The following ROBO4 variants were observed in gnomAD, a reference collection of about 807,000 sequenced individuals.
The protein encoded by ROBO4 is roundabout guidance receptor 4.
In ROBO4, 80 loss-of-function variants were observed where a neutral mutation model predicts 103.3. The observed-to-expected ratio is 0.77, with a 90% CI of 0.65 to 0.93. ROBO4 has a LOEUF of 0.93. ROBO4 is among the 40% of genes least tolerant of loss of function. ROBO4 has a pLI of 0.00. For synonymous variants in ROBO4, 504 were observed against 529.7 expected (o/e 0.95, Z 0.67); for missense variants, 1,333 against 1,305.3 (o/e 1.02, Z -0.33).
Position 124,886,998 on chromosome 11 carries a change from C to A in ROBO4, c.2414G>T (p.Ser805Ile). 6.2e-7 allele frequency: 1 copy of A among 1,612,262 alleles called. No individual in the cohort carries two copies. The highest frequency in any genetic ancestry group is 8.5e-7 in the Non-Finnish European group (1 of 1,178,694). The change falls in exon 15 of 18, where the codon AGT becomes ATT. Residue 805 changes from serine to isoleucine, a missense_variant. Ser to Ile is a moderately radical substitution (Grantham distance 142, BLOSUM62 -2). Transcript: ENST00000306534. Reference sequence around the variant, plus strand: ...TCACCTGGGAGTCTCCTCACCCTCACTGAGTTCCAAGCACAGGGCTACCTC... The same window carrying A: ...TCACCTGGGAGTCTCCTCACCCTCAATGAGTTCCAAGCACAGGGCTACCTC... Reference protein sequence around the residue: ...PEEVALCLELSEGEETPRNSV... With the variant: ...PEEVALCLELIEGEETPRNSV...
chr11:124,886,891 C>G, intron 15 of ROBO4, 69 bp from the exon 16 acceptor site: 1 of 1,531,838 alleles, frequency 6.5e-7, no homozygotes, highest in Middle Eastern at 1.8e-4. Context: ...CAGAAAAGCC[C>G]CAGTTGAGGG....
chr11:124,895,793 T>G lies in ROBO4; in HGVS notation c.799A>C (p.Ser267Arg). 6.2e-7 allele frequency: 1 copy of G among 1,614,158 alleles called. No individual in the cohort carries two copies. Among genetic ancestry groups the G allele is most frequent in the South Asian group, 1.1e-5 (1 of 91,088 alleles). ...GPKPRPAVWL[S>R]WKVSGPAAPA... ...TAGCACCTGGTCCTCACCTTCCAGCTGAGCCACACCGCCGGTCTAGGCTTG... is the reference window on the plus strand; with the variant it reads ...TAGCACCTGGTCCTCACCTTCCAGCGGAGCCACACCGCCGGTCTAGGCTTG... Residue 267 changes from serine (S) to arginine (R), a missense_variant, in exon 5 of 18, where the codon AGC becomes CGC. Coordinates refer to ENST00000306534, the MANE Select transcript of ROBO4 (RefSeq NM_019055.6).
rs1946729197 is a variant in ROBO4, at chr11:124,887,234, A to T, written c.2199-21T>A. 3 of 1,584,788 alleles carry T rather than the reference A, an allele frequency of 1.9e-6. No homozygotes were observed. In the African/African-American group the frequency reaches 4.0e-5, roughly 21 times the overall value. On this transcript the variant is annotated intron_variant, in intron 14 of 17. Coordinates refer to ENST00000306534, the MANE Select transcript of ROBO4 (RefSeq NM_019055.6). ...GAGGCCTGATTTGCGGGAGAGAGTG[A>T]TGGCACCGTAGTTACTACAGCTCTT...
In ROBO4 at chr11:124,884,967, A is replaced by T. The variant is rs1946687021; in HGVS notation, c.3002-54T>A. On this transcript the variant is annotated intron_variant, in intron 17 of 17. Coordinates refer to ENST00000306534, the MANE Select transcript of ROBO4 (RefSeq NM_019055.6). ...CTCCTTATCTCCCTTCCCCAGTGCCAGGCTTCCTCCTGGCTTCTTCCCAGA... is the reference window on the plus strand; with the variant it reads ...CTCCTTATCTCCCTTCCCCAGTGCCTGGCTTCCTCCTGGCTTCTTCCCAGA... 3.7e-6 allele frequency: 6 copies of T among 1,613,870 alleles called. No individual in the cohort carries two copies. In the East Asian group the frequency reaches 1.3e-4, roughly 36 times the overall value.
chr11:124,897,324 C>T, intron 1 of ROBO4, 63 bp from the exon 2 acceptor site: 1 of 1,196,580 alleles, frequency 8.4e-7, no homozygotes, highest in Non-Finnish European at 1.1e-6. Flanking sequence ...TCCTGGCCCA[C>T]CCCTCATCTG....
At chr11:124,885,444 A>G (rs1055967727) in intron 16 of ROBO4, among the ~76,000 whole-genome samples, 197 bp from the exon 17 acceptor site, 6 of 152,122 alleles carry the variant, frequency 3.9e-5, no homozygotes, top group African/African-American at 1.4e-4. Context: ...AAGTGATTGA[A>G]CTGTTTCCTT....
rs77462182 is a variant in ROBO4, at chr11:124,884,866, G to A, written c.*25C>T. On this transcript the variant is annotated 3_prime_UTR_variant, in exon 18 of 18. Transcript: ENST00000306534. ...GACAGGAGAAGTGGTTCTGATTCCCGTCTGGGAAGTCTCAGGGACACGGTT... is the reference window on the plus strand; with the variant it reads ...GACAGGAGAAGTGGTTCTGATTCCCATCTGGGAAGTCTCAGGGACACGGTT... The A allele has an allele frequency of 1.1e-5, 17 of 1,613,880 alleles. No homozygotes were observed. Among genetic ancestry groups the A allele is most frequent in the East Asian group, 6.7e-5 (3 of 44,894 alleles).
chr11:124,897,754 G>A lies in ROBO4; in HGVS notation c.42C>T (p.Ser14=). 6.2e-7 allele frequency: 1 copy of A among 1,614,012 alleles called. No individual in the cohort carries two copies. Among genetic ancestry groups the A allele is most frequent in the Non-Finnish European group, 8.5e-7 (1 of 1,179,962 alleles). Reference sequence around the variant, plus strand: ...TGATGAGCAGGAGCAGCAGAGGCAGGGAACCCCTGCCCCCCAGGAGGCTGT... The same window carrying A: ...TGATGAGCAGGAGCAGCAGAGGCAGAGAACCCCTGCCCCCCAGGAGGCTGT... ...GGDSLLGGRG[S]LPLLLLLIMG... is the part of the protein sequence containing the mutation. The change falls in exon 1 of 18, where the codon TCC becomes TCT. Residue 14 remains serine (S), a synonymous_variant. Coordinates refer to ENST00000306534, the MANE Select transcript of ROBO4 (RefSeq NM_019055.6).
intron 4 of ROBO4, 44 bp downstream of exon 4, chr11:124,896,154 G>T: frequency 2.5e-6 from 4 of 1,606,350 alleles, no homozygotes; most frequent in Non-Finnish European, 2.5e-6. Context: ...ACCCCAACTG[G>T]AGCCTGCAGC....
At position 124,887,464 on chromosome 11, in the gene ROBO4, G is replaced by T. The variant is rs149262190; in HGVS notation, c.2092C>A (p.Leu698Met). Reference protein sequence around the residue: ...VPQALVAWRALGPKLLSSSNE... With the variant: ...VPQALVAWRAMGPKLLSSSNE... ...GAGGAGCTGAGGAGTTTCGGTCCCA[G>T]GGCCCGCCAGGCAACCAGAGCTTGG... The change falls in exon 14 of 18, where the codon CTG (leucine) becomes ATG (methionine). Residue 698 changes from leucine to methionine, a missense_variant. Physicochemically the swap from Leu to Met is conservative, Grantham distance 15. Coordinates refer to ENST00000306534, the MANE Select transcript of ROBO4 (RefSeq NM_019055.6). 1.4e-3 allele frequency: 2,222 copies of T among 1,613,990 alleles called. 2 individuals are homozygous for T. Among genetic ancestry groups the T allele is most frequent in the Non-Finnish European group, 1.8e-3 (2,068 of 1,179,968 alleles).
intron 6 of ROBO4, 64 bp downstream of exon 6, chr11:124,895,393 G>A: frequency 1.1e-5 from 16 of 1,497,668 alleles, no homozygotes; most frequent in East Asian, 2.3e-5. Flanking sequence ...AACAGTCCAG[G>A]GGCCCCCAAA....
In ROBO4 at chr11:124,891,357, G is replaced by A; in HGVS notation, c.1890C>T (p.Leu630=). ...SSDSLCSRRG[L]SSPRLSLAPA... is the part of the protein sequence containing the mutation. ...GGGCCAGAGACAAGCGGGGAGAAGA[G>A]AGTCCCCTGCGGCTGCAGAGGCTGT... Residue 630 remains leucine, a synonymous_variant, in exon 12 of 18, where the codon CTC becomes CTT. Coordinates refer to ENST00000306534, the MANE Select transcript of ROBO4 (RefSeq NM_019055.6). 1 of 1,544,520 alleles carries A rather than the reference G, an allele frequency of 6.5e-7. No homozygotes were observed. The highest frequency in any genetic ancestry group is 8.7e-7 in the Non-Finnish European group (1 of 1,146,700).
At chr11:124,888,832 C>T (rs78604981) in intron 12 of ROBO4, among the ~76,000 whole-genome samples, 5,870 of 152,252 alleles carry the variant, frequency 0.039, 142 homozygotes, top group Middle Eastern at 0.11. Context: ...TAGGGTAATA[C>T]AGGAGAGAGA....
At position 124,887,805 on chromosome 11, in the gene ROBO4, C is replaced by T; in HGVS notation, c.1984G>A (p.Gly662Ser). Residue 662 changes from glycine to serine, a missense_variant, in exon 13 of 18, where the codon GGC becomes AGC. Physicochemically the swap from Gly to Ser is moderately conservative, Grantham distance 56. Transcript: ENST00000306534. ...GCCCGGAGCTCCAAGGAGTGGCTGC[C>T]CCGGAGCAGTGGGGAACTGTTGGCA... ...QHANSSPLLR[G>S]SHSLELRACE... 1 of 1,613,998 alleles carries T rather than the reference C, an allele frequency of 6.2e-7. No individual in the cohort carries two copies. Among genetic ancestry groups the T allele is most frequent in the South Asian group, 1.1e-5 (1 of 91,072 alleles).
In ROBO4 at chr11:124,887,157, G is replaced by A. The variant is rs1002524568; in HGVS notation, c.2255C>T (p.Pro752Leu). The A allele has an allele frequency of 1.1e-5, 17 of 1,609,196 alleles. No individual in the cohort carries two copies. Among genetic ancestry groups the A allele is most frequent in the Non-Finnish European group, 1.4e-5 (16 of 1,177,218 alleles). Residue 752 changes from proline to leucine, a missense_variant, in exon 15 of 18, where the codon CCC becomes CTC. Coordinates refer to ENST00000306534, the MANE Select transcript of ROBO4 (RefSeq NM_019055.6). ...AGGGGGACTGCAGGGGCTAAGGATG[G>A]GGATGGGGGCTGCTGGCAGCAGGAT... ...SSILLPAAPI[P>L]ILSPCSPPSP...
chr11:124,892,317 T>G, intron 10 of ROBO4: 1 of 317,844 alleles, frequency 3.1e-6, no homozygotes, highest in South Asian at 2.8e-5. Flanking sequence ...TCTGGCTGCC[T>G]GAGTGATCCT....
In ROBO4 at chr11:124,891,523, A is replaced by G. The variant is rs1231163699; in HGVS notation, c.1724T>C (p.Leu575Pro). The G allele has an allele frequency of 1.2e-6, 2 of 1,614,184 alleles. No individual in the cohort carries two copies. The highest frequency in any genetic ancestry group is 2.7e-5 in the African/African-American group (2 of 75,044). Residue 575 changes from leucine to proline, a missense_variant, in exon 12 of 18, where the codon CTT becomes CCT. Physicochemically the swap from Leu to Pro is moderately conservative, Grantham distance 98 (BLOSUM62 -3). Transcript: ENST00000306534. The stretch of plus-strand genomic sequence containing the variant: ...GCCATAAAAAGTGCTGGTGTCTGGA[A>G]GCAGGGGCACGCCGGGGCTTCGGGA... ...WDSRSPGVPL[L>P]PDTSTFYGSL...
intron 13 of ROBO4, 63 bp from the exon 14 acceptor site, chr11:124,887,562 GC>G: frequency 6.2e-7 from 1 of 1,600,322 alleles, no homozygotes; most frequent in South Asian, 1.1e-5. Context: ...AGCTCAGCCT[GC>G]CGGCCTGCCC....
In ROBO4 at chr11:124,887,782, C is replaced by G; in HGVS notation, c.2007G>C (p.Arg669=). The part of the protein sequence containing the change: ...LLRGSHSLEL[R]ACELGNRGSK... ...AACCTCTATTTCCTAACTCACAGGC[C>G]CGGAGCTCCAAGGAGTGGCTGCCCC... The change falls in exon 13 of 18, where the codon CGG becomes CGC. Residue 669 remains arginine, a synonymous_variant. Coordinates refer to ENST00000306534, the MANE Select transcript of ROBO4 (RefSeq NM_019055.6). The G allele has an allele frequency of 6.2e-7, 1 of 1,614,028 alleles. No individual in the cohort carries two copies. Among genetic ancestry groups the G allele is most frequent in the South Asian group, 1.1e-5 (1 of 91,070 alleles).
Sources: allele counts gnomAD v4.1 joint callset (sites outside exome capture counted in the v4.1 genomes callset), GRCh38; gene constraint gnomAD v4.1.1; transcripts MANE v1.5; gene names NCBI Gene and HGNC (gene_info 2026-07-23, HGNC 2026-07-21).